The following PTPRM variants were observed in gnomAD, a reference collection of about 807,000 sequenced individuals.
PTPRM encodes the protein receptor-type tyrosine-protein phosphatase mu.
In PTPRM, 47 loss-of-function variants were observed where a neutral mutation model predicts 186.7. That is an observed-to-expected ratio of 0.25 (90% CI 0.20 to 0.32). The LOEUF (loss-of-function observed/expected upper bound fraction) is 0.32. PTPRM is among the 10% of genes least tolerant of loss of function. PTPRM has a pLI of 1.00. For missense variants in PTPRM, 1,494 were observed against 1,865.0 expected (o/e 0.80, Z 3.66); for synonymous variants, 668 against 674.9 (o/e 0.99, Z 0.16).
chr18:7,691,157 T>G (rs879721177), intron 1 of PTPRM, among the ~76,000 whole-genome samples: 4 of 152,166 alleles, frequency 2.6e-5, no homozygotes, highest in African/African-American at 9.7e-5. Flanking sequence ...CTAACCAACT[T>G]CTTTATAGGG....
At chr18:7,766,649 G>A (rs2042028515) in intron 1 of PTPRM, among the ~76,000 whole-genome samples, 1 of 152,164 alleles carries the variant, frequency 6.6e-6, no homozygotes, top group Non-Finnish European at 1.5e-5. Context: ...AGCCAGGCAG[G>A]GGGGCGACCC....
intron 1 of PTPRM, among the ~76,000 whole-genome samples, chr18:7,658,330 T>TTATATATA (rs34009975): frequency 0.014 from 1,795 of 124,214 alleles, 22 homozygotes; most frequent in East Asian, 0.021. Flanking sequence ...TAAAGTAAAT[T>TTATATATA]TATATATATA....
rs202059642 is a variant in PTPRM at position 7,733,060 on chromosome 18, A to ACAATTTATTT, written c.74-41088_74-41079dup. ...AGACACATTGAAGGGTGAGGAGGGTACAATTTATTTATTTTACTTATTTTG... is the reference window on the plus strand; with the variant it reads ...AGACACATTGAAGGGTGAGGAGGGTACAATTTATTTCAATTTATTTATTTTACTTATTTTG... On this transcript the variant is annotated intron_variant, in intron 1 of 32. Coordinates refer to ENST00000580170, the MANE Select transcript of PTPRM (RefSeq NM_001105244.2). Among the ~76,000 whole-genome samples the ACAATTTATTT allele has an allele frequency of 9.3e-3, 1,419 of 152,240 alleles. 29 individuals carry two copies. Among genetic ancestry groups the ACAATTTATTT allele is most frequent in the African/African-American group, 0.033 (1,355 of 41,540 alleles).
chr18:7,640,883 C>G (rs1177627379), intron 1 of PTPRM, among the ~76,000 whole-genome samples: 2 of 151,978 alleles, frequency 1.3e-5, no homozygotes, highest in Admixed American at 6.6e-5. Context: ...GTTCTAAAGC[C>G]TTGTTTTAAA....
chr18:8,185,578 C>T (rs2093631578), intron 14 of PTPRM, among the ~76,000 whole-genome samples: 2 of 152,214 alleles, frequency 1.3e-5, no homozygotes, highest in African/African-American at 4.8e-5. Context: ...GGTCAGTGGC[C>T]TCAGGTGGCT....
At chr18:8,005,054 C>A (rs2147805308) in intron 7 of PTPRM, among the ~76,000 whole-genome samples, 1 of 152,250 alleles carries the variant, frequency 6.6e-6, no homozygotes, top group African/African-American at 2.4e-5. Context: ...TTTCCAAAAG[C>A]ACATGTGCAG....
chr18:8,250,130 G>T (rs1171529543), intron 17 of PTPRM, among the ~76,000 whole-genome samples: 3 of 152,056 alleles, frequency 2.0e-5, no homozygotes, highest in African/African-American at 7.2e-5. Context: ...AAATTCTCTG[G>T]CACCTTCAGC....
At chr18:8,234,345 T>G (rs997782352) in intron 14 of PTPRM, among the ~76,000 whole-genome samples, 2 of 152,240 alleles carry the variant, frequency 1.3e-5, no homozygotes, top group Admixed American at 6.5e-5. Context: ...GAGATGCTAA[T>G]GTAAATGGTA....
chr18:8,225,243 G>A (rs1442101960), intron 14 of PTPRM, among the ~76,000 whole-genome samples: 3 of 152,158 alleles, frequency 2.0e-5, no homozygotes, highest in Admixed American at 6.6e-5. Context: ...ATGAGTTGGT[G>A]CCTTAGGATT....
intron 5 of PTPRM, among the ~76,000 whole-genome samples, chr18:7,932,480 T>C (rs1237378215): frequency 1.3e-5 from 2 of 152,200 alleles, no homozygotes; most frequent in Non-Finnish European, 2.9e-5. Flanking sequence ...CTCCATTTTA[T>C]TATTGAAAGT....
chr18:7,613,237 A>T (rs2037720814), intron 1 of PTPRM, among the ~76,000 whole-genome samples: 1 of 152,104 alleles, frequency 6.6e-6, no homozygotes. Flanking sequence ...GATTTTGAAG[A>T]CTGTTCATTT....
intron 9 of PTPRM, among the ~76,000 whole-genome samples, chr18:8,080,039 A>G (rs1410215659): frequency 6.6e-6 from 1 of 152,226 alleles, no homozygotes; most frequent in Non-Finnish European, 1.5e-5. Flanking sequence ...AGCCTTACTA[A>G]TGATTGAGAA....
intron 1 of PTPRM, among the ~76,000 whole-genome samples, chr18:7,724,848 A>G (rs1358826948): frequency 6.6e-6 from 1 of 152,212 alleles, no homozygotes; most frequent in Non-Finnish European, 1.5e-5. Context: ...TTACTCTTAT[A>G]GTAGTGCTGT....
chr18:8,004,297 C>T (rs1045558080), intron 7 of PTPRM, among the ~76,000 whole-genome samples: 5 of 152,050 alleles, frequency 3.3e-5, no homozygotes, highest in Admixed American at 6.6e-5. Flanking sequence ...TTTTGCAATT[C>T]GTGGATCTAG....
Position 8,376,082 on chromosome 18 carries a change from C to G in PTPRM, c.3208C>G (p.His1070Asp). ...TGAAATCCGAGAGATCAGACAGTTT[C>G]ACTTCACTGGCTGGCCGGATCATGG... ...VHEIREIRQF[H>D]FTGWPDHGVP... The change falls in exon 25 of 33, where the codon CAC (histidine) becomes GAC (aspartate). Residue 1070 changes from histidine to aspartate, a missense_variant. By Grantham distance (81) the His-to-Asp change is moderately conservative. Transcript: ENST00000580170. 1.2e-6 allele frequency: 2 copies of G among 1,613,832 alleles called. No homozygotes were observed. Among genetic ancestry groups the G allele is most frequent in the Non-Finnish European group, 1.7e-6 (2 of 1,179,740 alleles).
intron 1 of PTPRM, among the ~76,000 whole-genome samples, chr18:7,712,277 TAGAA>T (rs1266035107): frequency 6.6e-6 from 1 of 152,060 alleles, no homozygotes; most frequent in East Asian, 1.9e-4. Flanking sequence ...GCCTGATTGT[TAGAA>T]AGAAAACTAA....
intron 32 of PTPRM, among the ~76,000 whole-genome samples, chr18:8,398,673 G>A (rs2095856548): frequency 6.6e-6 from 1 of 151,924 alleles, no homozygotes; most frequent in Admixed American, 6.6e-5. Flanking sequence ...GGGAGGCTGA[G>A]GCAGAAGAAT....
intron 7 of PTPRM, among the ~76,000 whole-genome samples, chr18:8,014,949 G>T (rs933503584): frequency 6.6e-6 from 1 of 151,972 alleles, no homozygotes; most frequent in African/African-American, 2.4e-5. Context: ...GAAAATGGTT[G>T]TTCATCTCTG....
At chr18:7,681,595 A>C (rs2039482219) in intron 1 of PTPRM, among the ~76,000 whole-genome samples, 2 of 151,998 alleles carry the variant, frequency 1.3e-5, no homozygotes, top group African/African-American at 4.8e-5. Context: ...TAAAAAAAAA[A>C]ACAAAAAACC....
Sources: gnomAD v4.1 joint callset for allele counts (sites outside exome capture counted in the v4.1 genomes callset) on GRCh38, gnomAD v4.1.1 for gene constraint, MANE v1.5 for transcripts, NCBI Gene and HGNC (gene_info 2026-07-23, HGNC 2026-07-21) for gene names.